Variants in HSPB8 observed in about 807,000 individuals in gnomAD.
HSPB8 encodes heat shock protein beta-8.
Under a neutral mutation model 16.5 loss-of-function variants are expected in HSPB8, and 9 were observed. That is an observed-to-expected ratio of 0.55 (90% confidence interval 0.33 to 0.95). HSPB8 has a LOEUF of 0.95. Ranked by LOEUF, HSPB8 falls within the 40% of genes least tolerant of loss-of-function variation. The pLI is 0.03. For synonymous variants in HSPB8, 99 were observed against 94.8 expected (o/e 1.04, Z -0.26); for missense variants, 238 against 251.2 (o/e 0.95, Z 0.35).
At position 119,178,951 on chromosome 12, in the gene HSPB8, C is replaced by A; in HGVS notation, c.-362C>A. ...GAGCCAGAAGAAGTTTCTAGGCGCG[C>A]GTGCCCTGGGTTTATTAAGCTCCTG... On this transcript the variant is annotated 5_prime_UTR_variant, in exon 1 of 3. Transcript: ENST00000281938. The A allele has an allele frequency of 2.9e-6, 1 of 346,734 alleles. No individual in the cohort carries two copies. The highest frequency in any genetic ancestry group is 3.0e-5 in the South Asian group (1 of 33,382). The allele number at this position is 346,734 out of a possible 1,614,324, so 21.5% of individuals were successfully genotyped here.
At position 119,194,000 on chromosome 12, in the gene HSPB8, T is replaced by G; in HGVS notation, c.*142T>G. Reference sequence around the variant, plus strand: ...GGGTGAGGACTGACCACAGATTCCCTGGATAGTGTAGTGGTAGATTTCTCC... The same window carrying G: ...GGGTGAGGACTGACCACAGATTCCCGGGATAGTGTAGTGGTAGATTTCTCC... On this transcript the variant is annotated 3_prime_UTR_variant, in exon 3 of 3. Coordinates refer to ENST00000281938, the MANE Select transcript of HSPB8 (RefSeq NM_014365.3). The G allele has an allele frequency of 1.1e-6, 1 of 898,202 alleles. No individual in the cohort carries two copies. The highest frequency in any genetic ancestry group is 1.8e-6 in the Non-Finnish European group (1 of 551,240). The allele number at this position is 898,202 out of a possible 1,614,324, so 55.6% of individuals were successfully genotyped here.
chr12:119,181,072 G>A (rs1447740339), intron 1 of HSPB8, among the ~76,000 whole-genome samples: 1 of 152,206 alleles, frequency 6.6e-6, no homozygotes, highest in Non-Finnish European at 1.5e-5. Context: ...GGAAATTAGG[G>A]TTCAAATGGT....
chr12:119,185,941 G>A (rs1413281823), intron 1 of HSPB8, among the ~76,000 whole-genome samples: 1 of 152,152 alleles, frequency 6.6e-6, no homozygotes, highest in Non-Finnish European at 1.5e-5. Context: ...CCCCTCAGAA[G>A]CACCTCCCTG....
chr12:119,185,338 T>C (rs888333076), intron 1 of HSPB8, among the ~76,000 whole-genome samples: 1 of 151,090 alleles, frequency 6.6e-6, no homozygotes, highest in Non-Finnish European at 1.5e-5. Flanking sequence ...TAATAGTAAT[T>C]ATTATTATTA....
chr12:119,185,192 G>T (rs1012157231), intron 1 of HSPB8, among the ~76,000 whole-genome samples: 3 of 151,024 alleles, frequency 2.0e-5, no homozygotes, highest in African/African-American at 7.3e-5. Flanking sequence ...ATCTCACTCT[G>T]TTGCCCAGGC....
chr12:119,178,986 T>G lies in HSPB8; in HGVS notation c.-327T>G. 2.2e-6 allele frequency: 1 copy of G among 456,916 alleles called. No homozygotes were observed. The highest frequency in any genetic ancestry group is 4.5e-5 in the East Asian group (1 of 22,088). 28.3% of individuals were successfully genotyped at this position (456,916 alleles called of 1,614,324 possible). A position where few individuals can be genotyped will look rare whatever the true frequency, so the allele number is the denominator to read the frequency against. On this transcript the variant is annotated 5_prime_UTR_variant, in exon 1 of 3. Coordinates refer to ENST00000281938, the MANE Select transcript of HSPB8 (RefSeq NM_014365.3). ...GTTTATTAAGCTCCTGGCTCCGCTCTAGACCTCAGCGGTTCTGGCTGCCAG... is the reference window on the plus strand; with the variant it reads ...GTTTATTAAGCTCCTGGCTCCGCTCGAGACCTCAGCGGTTCTGGCTGCCAG...
At chr12:119,190,163 A>G (rs1255395704) in intron 2 of HSPB8, among the ~76,000 whole-genome samples, 1 of 152,180 alleles carries the variant, frequency 6.6e-6, no homozygotes, top group Non-Finnish European at 1.5e-5. Context: ...GGGAATTAAT[A>G]TTATGAAAAG....
intron 1 of HSPB8, 21 bp downstream of exon 1, chr12:119,179,700 A>T: frequency 6.4e-7 from 1 of 1,556,264 alleles, no homozygotes; most frequent in South Asian, 1.3e-5. Flanking sequence ...GGCAGGAGGG[A>T]GAGAGAATGG....
At position 119,179,379 on chromosome 12, in the gene HSPB8, G is replaced by C. The variant is rs755359241; in HGVS notation, c.67G>C (p.Asp23His). The C allele has an allele frequency of 6.2e-7, 1 of 1,614,058 alleles. No homozygotes were observed. Among genetic ancestry groups the C allele is most frequent in the Admixed American group, 1.7e-5 (1 of 60,018 alleles). ...PSRLRRDPFR[D>H]SPLSSRLLDD... ...CCGCCTGCGCCGAGACCCCTTCCGG[G>C]ACTCTCCCCTCTCCTCTCGCCTGCT... The change falls in exon 1 of 3, where the codon GAC (aspartate) becomes CAC (histidine). Residue 23 changes from aspartate (D) to histidine (H), a missense_variant. Coordinates refer to ENST00000281938, the MANE Select transcript of HSPB8 (RefSeq NM_014365.3).
chr12:119,194,676 G>C lies in HSPB8; in HGVS notation c.*818G>C, dbSNP rs958115852. On this transcript the variant is annotated 3_prime_UTR_variant, in exon 3 of 3. Transcript: ENST00000281938. ...GTGTCATTATTATTTGAGTTATGCT[G>C]TTGTTTAGGGGTAAATAACAGTAAA... The C allele has an allele frequency of 2.0e-5, 5 of 256,080 alleles. No homozygotes were observed. The highest frequency in any genetic ancestry group is 3.2e-4 in the South Asian group (2 of 6,240). The allele number at this position is 256,080 out of a possible 1,614,324, so 15.9% of individuals were successfully genotyped here. A position where few individuals can be genotyped will look rare whatever the true frequency, so the allele number is the denominator to read the frequency against.
intron 2 of HSPB8, 49 bp downstream of exon 2, chr12:119,187,137 C>A: frequency 6.9e-7 from 1 of 1,456,966 alleles, no homozygotes; most frequent in South Asian, 1.1e-5. Context: ...GAGGAGGGGG[C>A]ACACCTGGGA....
chr12:119,179,293 C>T lies in HSPB8; in HGVS notation c.-20C>T, dbSNP rs1027479328. The T allele has an allele frequency of 6.2e-7, 1 of 1,612,842 alleles. No homozygotes were observed. Among genetic ancestry groups the T allele is most frequent in the South Asian group, 1.1e-5 (1 of 91,082 alleles). On this transcript the variant is annotated 5_prime_UTR_variant, in exon 1 of 3. Transcript: ENST00000281938. The stretch of plus-strand genomic sequence containing the variant: ...TCTGTCTCTCTGAGCCTCTGTTTCT[C>T]TCTGAGCTGAGCAGCCACCATGGCT...
chr12:119,186,850 T>A, intron 1 of HSPB8, 175 bp from the exon 2 acceptor site: 1 of 666,424 alleles, frequency 1.5e-6, no homozygotes, highest in Non-Finnish European at 2.7e-6. Flanking sequence ...GAAGTGGACT[T>A]AGGTGGGTCT....
Position 119,179,422 on chromosome 12 carries a change from T to C in HSPB8, c.110T>C (p.Met37Thr). ...SSRLLDDGFG[M>T]DPFPDDLTAS... ...CGCCTGCTGGATGATGGCTTTGGCA[T>C]GGACCCCTTCCCAGACGACTTGACA... Residue 37 changes from methionine to threonine, a missense_variant, in exon 1 of 3, where the codon ATG becomes ACG. Coordinates refer to ENST00000281938, the MANE Select transcript of HSPB8 (RefSeq NM_014365.3). 6.2e-7 allele frequency: 1 copy of C among 1,614,124 alleles called. No individual in the cohort carries two copies. The highest frequency in any genetic ancestry group is 1.1e-5 in the South Asian group (1 of 91,090).
At chr12:119,185,524 G>A (rs1259239839) in intron 1 of HSPB8, among the ~76,000 whole-genome samples, 1 of 152,082 alleles carries the variant, frequency 6.6e-6, no homozygotes, top group Non-Finnish European at 1.5e-5. Context: ...AGTAGAGACG[G>A]AGTTTCACCG....
intron 2 of HSPB8, among the ~76,000 whole-genome samples, chr12:119,189,337 GTGTGTA>G (rs1954697434): frequency 2.0e-5 from 3 of 150,148 alleles, no homozygotes; most frequent in Admixed American, 2.0e-4. Context: ...GTGTGTGTGT[GTGTGTA>G]TTTCACATGC....
chr12:119,183,989 C>T (rs1045378139), intron 1 of HSPB8, among the ~76,000 whole-genome samples: 4 of 152,188 alleles, frequency 2.6e-5, no homozygotes, highest in East Asian at 1.9e-4. Context: ...TTGCTTCCTA[C>T]GGTAACCCGG....
In HSPB8 at chr12:119,193,937, AC is replaced by A. The variant is rs1290552839; in HGVS notation, c.*80del. 1.3e-6 allele frequency: 2 copies of A among 1,497,188 alleles called. No individual in the cohort carries two copies. The highest frequency in any genetic ancestry group is 2.8e-5 in the African/African-American group (2 of 72,144). 92.7% of individuals were successfully genotyped at this position (1,497,188 alleles called of 1,614,324 possible). ...TTCCAGGATACATTACTTTAGCTGAACTCAGATTTAGTGCAAGTAAAATGTT... is the reference window on the plus strand; with the variant it reads ...TTCCAGGATACATTACTTTAGCTGAATCAGATTTAGTGCAAGTAAAATGTT... On this transcript the variant is annotated 3_prime_UTR_variant, in exon 3 of 3. Coordinates refer to ENST00000281938, the MANE Select transcript of HSPB8 (RefSeq NM_014365.3).
intron 1 of HSPB8, among the ~76,000 whole-genome samples, chr12:119,185,897 T>C (rs1257132692): frequency 2.0e-5 from 3 of 152,228 alleles, no homozygotes; most frequent in African/African-American, 7.2e-5. Flanking sequence ...GACTGCTATA[T>C]TCAACAAAGT....
Sources: gnomAD v4.1 joint callset for allele counts (sites outside exome capture counted in the v4.1 genomes callset) on GRCh38, gnomAD v4.1.1 for gene constraint, MANE v1.5 for transcripts, NCBI Gene and HGNC (gene_info 2026-07-23, HGNC 2026-07-21) for gene names.